Variants in ANK2 observed in about 807,000 individuals in gnomAD.
ANK2 encodes the protein ankyrin-2.
In ANK2, 83 loss-of-function variants were observed where a neutral mutation model predicts 360.5. The observed-to-expected ratio is 0.23, with a 90% CI of 0.19 to 0.28. The LOEUF (loss-of-function observed/expected upper bound fraction) is 0.28, where lower values mean the gene tolerates loss of function less well. ANK2 is among the 10% of genes least tolerant of loss of function. ANK2 has a pLI of 1.00. For synonymous variants in ANK2, 1,740 were observed against 1,759.5 expected (o/e 0.99, Z 0.28); for missense variants, 4,201 against 4,795.7 (o/e 0.88, Z 3.66).
intron 14 of ANK2, among the ~76,000 whole-genome samples, chr4:113,272,373 T>C (rs571935938): frequency 6.6e-6 from 1 of 152,350 alleles, no homozygotes. Flanking sequence ...CTTTACCTTT[T>C]CCCATGAATC....
At chr4:112,851,152 T>C (rs1288300706) in intron 1 of ANK2, among the ~76,000 whole-genome samples, 1 of 152,144 alleles carries the variant, frequency 6.6e-6, no homozygotes, top group Non-Finnish European at 1.5e-5. Context: ...AAAACGTGGC[T>C]TATAGTTGTG....
intron 14 of ANK2, among the ~76,000 whole-genome samples, chr4:113,269,437 T>G (rs1424598333): frequency 6.6e-6 from 1 of 152,224 alleles, no homozygotes; most frequent in Non-Finnish European, 1.5e-5. Flanking sequence ...GGTCTGCAGG[T>G]TGCAAAGACC....
chr4:113,177,294 A>G (rs1021881687), intron 2 of ANK2, among the ~76,000 whole-genome samples: 7 of 151,716 alleles, frequency 4.6e-5, no homozygotes, highest in African/African-American at 7.3e-5. Context: ...GTTAGCCAGG[A>G]TGGTCTCGAT....
chr4:113,324,837 C>G (rs911208326), intron 26 of ANK2, among the ~76,000 whole-genome samples: 1 of 152,072 alleles, frequency 6.6e-6, no homozygotes, highest in African/African-American at 2.4e-5. Flanking sequence ...CTGAATGCTG[C>G]AATTTCCTCC....
intron 1 of ANK2, among the ~76,000 whole-genome samples, chr4:112,844,196 T>TA (rs1258153935): frequency 6.6e-6 from 1 of 152,180 alleles, no homozygotes; most frequent in Non-Finnish European, 1.5e-5. Flanking sequence ...CTTAATAACT[T>TA]ACATGATTCA....
the ANK2 span, among the ~76,000 whole-genome samples, chr4:112,730,636 C>CA: frequency 0.51 from 29,905 of 58,200 alleles, 7,627 homozygotes; most frequent in Non-Finnish European, 0.59. Context: ...GACTCCATCT[C>CA]AAAAAAAAAA....
At chr4:113,236,375 TTA>T (rs2099384172) in intron 5 of ANK2, among the ~76,000 whole-genome samples, 2 of 152,164 alleles carry the variant, frequency 1.3e-5, no homozygotes, top group African/African-American at 2.4e-5. Context: ...ACATGTAATT[TTA>T]TATCTCAATG....
At chr4:112,782,318 C>T in the ANK2 span, among the ~76,000 whole-genome samples, 1 of 152,052 alleles carries the variant, frequency 6.6e-6, no homozygotes, top group African/African-American at 2.4e-5. Flanking sequence ...ATTCTCTCTA[C>T]TTTTGTTTAT....
chr4:112,835,204 G>A (rs761215820), intron 1 of ANK2, among the ~76,000 whole-genome samples: 3 of 152,226 alleles, frequency 2.0e-5, no homozygotes, highest in African/African-American at 4.8e-5. Flanking sequence ...ATTACAAAAC[G>A]ATTTTTAAAT....
At chr4:112,876,218 C>T (rs1465431678) in intron 1 of ANK2, among the ~76,000 whole-genome samples, 1 of 152,094 alleles carries the variant, frequency 6.6e-6, no homozygotes, top group Non-Finnish European at 1.5e-5. Flanking sequence ...AAAACAGCTT[C>T]AAGGGATTCA....
Position 113,336,000 on chromosome 4 carries a change from G to C in ANK2, c.3534G>C (p.Gln1178His), listed in dbSNP as rs2153958992. The C allele has an allele frequency of 6.2e-7, 1 of 1,614,146 alleles. No individual in the cohort carries two copies. Among genetic ancestry groups the C allele is most frequent in the South Asian group, 1.1e-5 (1 of 91,088 alleles). ...TACTGAGCAGCACAGTGGTGCCCCA[G>C]GTGCAGGCCGTCTTCCCAGAGGGGG... is the stretch of plus-strand genomic sequence containing the variant. The part of the protein sequence containing the change: ...GGVLSSTVVP[Q>H]VQAVFPEGAL... Residue 1178 changes from glutamine (Q) to histidine (H), a missense_variant, in exon 30 of 46, where the codon CAG becomes CAC. This residue lies in a region of ANK2 where 1,268 missense variants were observed against 1,650.8 expected (regional missense o/e 0.77). Transcript: ENST00000357077.
intron 23 of ANK2, among the ~76,000 whole-genome samples, chr4:113,303,310 AGAG>A (rs2075821971): frequency 6.6e-6 from 1 of 152,266 alleles, no homozygotes; most frequent in African/African-American, 2.4e-5. Context: ...TTTTAAGCCC[AGAG>A]GAGAAGAGCC....
chr4:112,973,118 CA>C (rs2040161070), intron 2 of ANK2, among the ~76,000 whole-genome samples: 2 of 149,038 alleles, frequency 1.3e-5, no homozygotes, highest in African/African-American at 2.5e-5. Context: ...AAATCACCAC[CA>C]AAGAACTTAT....
rs780187690 is a variant in ANK2, at chr4:113,339,311, C to T, written c.3882C>T (p.Asn1294=). The part of the protein sequence containing the change: ...FVNECVSFTT[N]VSARFWLIDC... ...ATGAATGTGTTTCCTTTACAACAAA[C>T]GTGTCTGCCAGGTATCGTTATATAG... The change falls in exon 32 of 46, where the codon AAC becomes AAT. Residue 1294 remains asparagine, a synonymous_variant. Coordinates refer to ENST00000357077, the MANE Select transcript of ANK2 (RefSeq NM_001148.6). The T allele has an allele frequency of 6.8e-6, 11 of 1,613,344 alleles. No homozygotes were observed. The highest frequency in any genetic ancestry group is 3.3e-5 in the South Asian group (3 of 91,070).
chr4:112,767,357 TCGAGAC>T, the ANK2 span, among the ~76,000 whole-genome samples: 4 of 152,080 alleles, frequency 2.6e-5, no homozygotes, highest in Non-Finnish European at 4.4e-5. Context: ...GGTCAGGAGT[TCGAGAC>T]CAGCCTGGGC....
At chr4:113,188,012 A>G (rs961115773) in intron 2 of ANK2, among the ~76,000 whole-genome samples, 1 of 152,188 alleles carries the variant, frequency 6.6e-6, no homozygotes, top group Non-Finnish European at 1.5e-5. Context: ...ACATATGTAT[A>G]ATCTTCACAA....
intron 23 of ANK2, among the ~76,000 whole-genome samples, chr4:113,303,418 A>C (rs1217766034): frequency 1.3e-5 from 2 of 152,180 alleles, no homozygotes; most frequent in Non-Finnish European, 2.9e-5. Context: ...CTATAATTTT[A>C]GAGTTGATGA....
intron 2 of ANK2, among the ~76,000 whole-genome samples, chr4:113,195,302 G>A (rs895065912): frequency 6.6e-6 from 1 of 151,938 alleles, no homozygotes; most frequent in Non-Finnish European, 1.5e-5. Context: ...AGTGTAAGAA[G>A]GACAGTTTCT....
chr4:112,800,629 C>T, the ANK2 span, among the ~76,000 whole-genome samples: 1 of 152,082 alleles, frequency 6.6e-6, no homozygotes, highest in Admixed American at 6.6e-5. Context: ...AAATTAAGAA[C>T]CCCTTTTGAG....
Sources: allele counts gnomAD v4.1 joint callset (sites outside exome capture counted in the v4.1 genomes callset), GRCh38; gene constraint gnomAD v4.1.1; regional missense constraint gnomAD v4.1.1; transcripts MANE v1.5; gene names NCBI Gene and HGNC (gene_info 2026-07-23, HGNC 2026-07-21).